The following FAM171A2 variants were observed in gnomAD, a reference collection of about 807,000 sequenced individuals.
The protein encoded by FAM171A2 is family with sequence similarity 171 member A2, also known as protein FAM171A2.
A neutral mutation model predicts 34.2 loss-of-function variants in FAM171A2; 13 were observed. The ratio of observed to expected loss-of-function variants is 0.38; its 90% CI spans 0.25 to 0.60. The LOEUF (loss-of-function observed/expected upper bound fraction) is 0.60, where lower values mean the gene tolerates loss of function less well. Ranked by LOEUF, FAM171A2 falls within the 20% of genes least tolerant of loss-of-function variation. The pLI, the probability that FAM171A2 is intolerant of heterozygous loss-of-function variation, is 0.62. For missense variants in FAM171A2, 950 were observed against 1,180.7 expected (o/e 0.80, Z 2.86); for synonymous variants, 475 against 561.2 (o/e 0.85, Z 2.17).
At position 44,355,626 on chromosome 17, in the gene FAM171A2, C is replaced by T. The variant is rs1157646133; in HGVS notation, c.1022+89G>A. On this transcript the variant is annotated intron_variant, in intron 7 of 7. Transcript: ENST00000293443. This position sits in a 1 kb window ranked among gnomAD's most constrained non-coding sequence, Gnocchi z 4.1. ...GCAGGAAGTCTTTTCCTGTCTGCCC[C>T]TTGAGGACCAGAAGTGGATTTTATG... 2.0e-6 allele frequency: 3 copies of T among 1,513,102 alleles called. No individual in the cohort carries two copies. In the African/African-American group the frequency reaches 4.1e-5, roughly 21 times the overall value. 93.7% of individuals were successfully genotyped at this position (1,513,102 alleles called of 1,614,324 possible). A position where few individuals can be genotyped will look rare whatever the true frequency, so the allele number is the denominator to read the frequency against.
At position 44,356,733 on chromosome 17, in the gene FAM171A2, C is replaced by G. The variant is rs2048426020; in HGVS notation, c.440-145G>C. The G allele has an allele frequency of 6.8e-6, 6 of 887,590 alleles. No individual in the cohort carries two copies. The East Asian group carries it at 1.6e-4, about 24-fold the overall frequency. 55.0% of individuals were successfully genotyped at this position (887,590 alleles called of 1,614,324 possible). ...GGAGGGTGATGCCTTGGGGAGAAAGCTGGGCAGTCATGGAATGTTAACCTG... is the reference window on the plus strand; with the variant it reads ...GGAGGGTGATGCCTTGGGGAGAAAGGTGGGCAGTCATGGAATGTTAACCTG... On this transcript the variant is annotated intron_variant, in intron 3 of 7. Coordinates refer to ENST00000293443, the MANE Select transcript of FAM171A2 (RefSeq NM_198475.3).
At chr17:44,359,343 G>A (rs910672651) in intron 3 of FAM171A2, 9 of 543,990 alleles carry the variant, frequency 1.7e-5, no homozygotes, top group Non-Finnish European at 2.0e-5. Context: ...GAGAAGCCCC[G>A]ATAACTGTAA....
At chr17:44,356,130 T>C (rs1802558590) in intron 5 of FAM171A2, 43 bp downstream of exon 5, 1 of 1,524,464 alleles carries the variant, frequency 6.6e-7, no homozygotes, top group Non-Finnish European at 8.9e-7. Context: ...AGTCCCACTT[T>C]CTTCTCTCAA....
At chr17:44,360,165 C>G in intron 1 of FAM171A2, 33 bp from the exon 2 acceptor site, 1 of 1,511,926 alleles carries the variant, frequency 6.6e-7, no homozygotes, top group Non-Finnish European at 9.0e-7. Flanking sequence ...GGAGTGAGGA[C>G]GAGGGAGGGG....
chr17:44,355,881 C>T lies in FAM171A2; in HGVS notation c.896-40G>A. 2 of 1,549,960 alleles carry T rather than the reference C, an allele frequency of 1.3e-6. No homozygotes were observed. The highest frequency in any genetic ancestry group is 2.0e-5 in the Admixed American group (1 of 50,974). On this transcript the variant is annotated intron_variant, in intron 6 of 7. Coordinates refer to ENST00000293443, the MANE Select transcript of FAM171A2 (RefSeq NM_198475.3). The surrounding 1 kb of genome is among the most constrained non-coding windows in gnomAD (Gnocchi z 4.1). ...GGCTTAGCGTTCAGGTGTAGACACC[C>T]TTCCTGCCTTTCAGAAGTCTGCTCT...
rs2048397821 is a variant in FAM171A2, at chr17:44,353,300, GCCCTGTGACATCGTAGCCCA to G, written c.*413_*432del. On this transcript the variant is annotated 3_prime_UTR_variant, in exon 8 of 8. Coordinates refer to ENST00000293443, the MANE Select transcript of FAM171A2 (RefSeq NM_198475.3). The stretch of plus-strand genomic sequence containing the variant: ...GTCCCCAGAGCTGTCCCAGCCACCA[GCCCTGTGACATCGTAGCCCA>G]GAGATGGGCTAGTCAGCAAGCAGCA... 5.3e-6 allele frequency: 1 copy of G among 188,228 alleles called. No homozygotes were observed. Among genetic ancestry groups the G allele is most frequent in the African/African-American group, 2.4e-5 (1 of 42,364 alleles). The allele number at this position is 188,228 out of a possible 1,614,324, so 11.7% of individuals were successfully genotyped here.
At position 44,353,863 on chromosome 17, in the gene FAM171A2, T is replaced by C; in HGVS notation, c.2351A>G (p.Glu784Gly). ...GCTGGTGAGCGAGTCGCGCCGCAGC[T>C]CGCTGGCGCTGCTGCGGGAGCTGTC... ...RGDSSRSSAS[E>G]LRRDSLTSPE... is the part of the protein sequence containing the mutation. The change falls in exon 8 of 8, where the codon GAG (glutamate) becomes GGG (glycine). Residue 784 changes from glutamate to glycine, a missense_variant. Transcript: ENST00000293443. The C allele has an allele frequency of 7.3e-7, 1 of 1,373,222 alleles. No individual in the cohort carries two copies. The highest frequency in any genetic ancestry group is 9.4e-7 in the Non-Finnish European group (1 of 1,062,482). The allele number at this position is 1,373,222 out of a possible 1,614,324, so 85.1% of individuals were successfully genotyped here.
In FAM171A2 at chr17:44,356,520, T is replaced by C; in HGVS notation, c.508A>G (p.Ser170Gly). The stretch of plus-strand genomic sequence containing the variant: ...GGCGTAAGTGACGCCCAGAGCTGGC[T>C]GTAGGTGGAGCTGACAGGCAGGCGG... ...AARLPVSSTY[S>G]QLWASLTPAS... Residue 170 changes from serine to glycine, a missense_variant, in exon 4 of 8, where the codon AGC becomes GGC. Physicochemically the swap from Ser to Gly is moderately conservative, Grantham distance 56. This residue lies in a region of FAM171A2 where 752 missense variants were observed against 924.5 expected (regional missense o/e 0.81). Transcript: ENST00000293443. The C allele has an allele frequency of 1.3e-6, 2 of 1,550,402 alleles. No homozygotes were observed. Among genetic ancestry groups the C allele is most frequent in the Non-Finnish European group, 1.7e-6 (2 of 1,146,898 alleles).
intron 3 of FAM171A2, among the ~76,000 whole-genome samples, chr17:44,358,427 T>A (rs2048434464): frequency 6.6e-6 from 1 of 152,102 alleles, no homozygotes; most frequent in African/African-American, 2.4e-5. Context: ...GTGAAGTGAC[T>A]CGCGCCTGTA....
At chr17:44,359,842 T>C (rs1347622646) in intron 2 of FAM171A2, 63 bp downstream of exon 2, 1 of 1,465,834 alleles carries the variant, frequency 6.8e-7, no homozygotes, top group East Asian at 2.5e-5. Flanking sequence ...AGGAGACTAT[T>C]TTGGGAAGGG....
In FAM171A2 at chr17:44,359,584, G is replaced by A; in HGVS notation, c.434C>T (p.Ser145Phe). 1.3e-6 allele frequency: 2 copies of A among 1,551,288 alleles called. No homozygotes were observed. Among genetic ancestry groups the A allele is most frequent in the South Asian group, 1.2e-5 (1 of 84,066 alleles). The stretch of plus-strand genomic sequence containing the variant: ...TGGGTGAGGGGGAGCCTTACCGGGA[G>A]AGCCTAGGAGAATGTGCACCAGGTC... The part of the protein sequence containing the change: ...YEDLVHILLG[S>F]PGARSQPLVQ... Residue 145 changes from serine (S) to phenylalanine (F), a missense_variant, in exon 3 of 8, where the codon TCT (serine) becomes TTT (phenylalanine). Ser to Phe is a radical substitution (Grantham distance 155, BLOSUM62 -2). This residue lies in a region of FAM171A2 where 752 missense variants were observed against 924.5 expected (regional missense o/e 0.81). Coordinates refer to ENST00000293443, the MANE Select transcript of FAM171A2 (RefSeq NM_198475.3).
rs1251461461 is a variant in FAM171A2 at position 44,353,848 on chromosome 17, G to A, written c.2366C>T (p.Ser789Leu). The change falls in exon 8 of 8, where the codon TCG (serine) becomes TTG (leucine). Residue 789 changes from serine to leucine, a missense_variant. Ser to Leu is a moderately radical substitution (Grantham distance 145). Around this residue, in one of 3 missense-constraint regions of FAM171A2, gnomAD observed 191 missense variants for 222.8 expected, o/e 0.86. Coordinates refer to ENST00000293443, the MANE Select transcript of FAM171A2 (RefSeq NM_198475.3). ...RSSASELRRDSLTSPEDELGA... is the reference protein window; with the variant it reads ...RSSASELRRDLLTSPEDELGA... The stretch of plus-strand genomic sequence containing the variant: ...CAGCTCGTCCTCCGGGCTGGTGAGC[G>A]AGTCGCGCCGCAGCTCGCTGGCGCT... 2 of 1,396,508 alleles carry A rather than the reference G, an allele frequency of 1.4e-6. No homozygotes were observed. Among genetic ancestry groups the A allele is most frequent in the Non-Finnish European group, 1.9e-6 (2 of 1,074,610 alleles). 86.5% of individuals were successfully genotyped at this position (1,396,508 alleles called of 1,614,324 possible). A position where few individuals can be genotyped will look rare whatever the true frequency, so the allele number is the denominator to read the frequency against.
rs1194712890 is a variant in FAM171A2, at chr17:44,354,980, G to T, written c.1234C>A (p.Arg412=). The T allele has an allele frequency of 6.8e-7, 1 of 1,481,066 alleles. No individual in the cohort carries two copies. Among genetic ancestry groups the T allele is most frequent in the East Asian group, 2.5e-5 (1 of 40,186 alleles). The allele number at this position is 1,481,066 out of a possible 1,614,324, so 91.7% of individuals were successfully genotyped here. Residue 412 remains arginine (R), a synonymous_variant, in exon 8 of 8, where the codon CGG becomes AGG. Transcript: ENST00000293443. This position sits in a 1 kb window ranked among gnomAD's most constrained non-coding sequence, Gnocchi z 5.8. ...FSSSRDLASS[R]DDFFRTKPRS... ...GGCTTGGTGCGGAAGAAGTCATCCC[G>T]GGAGGAGGCCAAGTCCCGGGAGCTG...
chr17:44,355,180 A>G lies in FAM171A2; in HGVS notation c.1034T>C (p.Leu345Pro). 6.4e-7 allele frequency: 1 copy of G among 1,550,634 alleles called. No individual in the cohort carries two copies. The highest frequency in any genetic ancestry group is 8.7e-7 in the Non-Finnish European group (1 of 1,146,824). The change falls in exon 8 of 8, where the codon CTG becomes CCG. Residue 345 changes from leucine (L) to proline (P), a missense_variant. By Grantham distance (98) the Leu-to-Pro change is moderately conservative. Transcript: ENST00000293443. The surrounding 1 kb of genome is among the most constrained non-coding windows in gnomAD (Gnocchi z 4.1). Reference protein sequence around the residue: ...LLIYYCRRRCLKPRQQHRKLQ... With the variant: ...LLIYYCRRRCPKPRQQHRKLQ... ...CTTGCGGTGCTGTTGCCTCGGCTTC[A>G]GGCAGCGCCTCCTGGAAGGGAGGGA...
chr17:44,362,165 G>A (rs1051336520), intron 1 of FAM171A2, among the ~76,000 whole-genome samples: 3 of 151,936 alleles, frequency 2.0e-5, no homozygotes, highest in African/African-American at 7.3e-5. Context: ...TGGGCTCCCC[G>A]CCAGCTGCCC....
chr17:44,363,672 G>A lies in FAM171A2; in HGVS notation c.43C>T (p.Pro15Ser), dbSNP rs950376619. Residue 15 changes from proline to serine, a missense_variant, in exon 1 of 8, where the codon CCG becomes TCG. Around this residue, in one of 3 missense-constraint regions of FAM171A2, gnomAD observed 752 missense variants for 924.5 expected, o/e 0.81. Transcript: ENST00000293443. ...CTGCCGAGCAGCAGCCCCAGCAGCG[G>A]CAACAGCCGCGCGAGGACGCTGGGG... Reference protein sequence around the residue: ...SGPSVLARLLPLLGLLLGSAS... With the variant: ...SGPSVLARLLSLLGLLLGSAS... 8.2e-7 allele frequency: 1 copy of A among 1,225,724 alleles called. No individual in the cohort carries two copies. 75.9% of individuals were successfully genotyped at this position (1,225,724 alleles called of 1,614,324 possible).
Position 44,353,632 on chromosome 17 carries a change from TG to T in FAM171A2, c.*100del. 1 of 943,094 alleles carries T rather than the reference TG, an allele frequency of 1.1e-6. No homozygotes were observed. The highest frequency in any genetic ancestry group is 1.3e-6 in the Non-Finnish European group (1 of 742,396). The allele number at this position is 943,094 out of a possible 1,614,324, so 58.4% of individuals were successfully genotyped here. A position where few individuals can be genotyped will look rare whatever the true frequency, so the allele number is the denominator to read the frequency against. On this transcript the variant is annotated 3_prime_UTR_variant, in exon 8 of 8. Transcript: ENST00000293443. Reference sequence around the variant, plus strand: ...AAGGCCCCTGGGCCCCTCTCCGGCCTGGGGCTGGGAGCTACGCGCGAGGGCC... The same window carrying T: ...AAGGCCCCTGGGCCCCTCTCCGGCCTGGGCTGGGAGCTACGCGCGAGGGCC...
rs541757860 is a variant in FAM171A2, at chr17:44,359,880, C to A, written c.346+25G>T. The A allele has an allele frequency of 7.2e-3, 10,868 of 1,507,392 alleles. 110 individuals carry two copies. The highest frequency in any genetic ancestry group is 0.032 in the South Asian group (2,494 of 77,334). 93.4% of individuals were successfully genotyped at this position (1,507,392 alleles called of 1,614,324 possible). A position where few individuals can be genotyped will look rare whatever the true frequency, so the allele number is the denominator to read the frequency against. ...TGATGGAGGGTCAGCTGCTGTCCCC[C>A]CCCTCCACCTGCCCCTGCACTCACA... On this transcript the variant is annotated intron_variant, in intron 2 of 7. Transcript: ENST00000293443.
Position 44,354,063 on chromosome 17 carries a change from C to CGGCGGCGGCGCGGCA in FAM171A2, c.2136_2150dup (p.Ala713_Pro717dup). ...GCGCCAGGCGCGGGGGCGCGGGCGG[C>CGGCGGCGGCGCGGCA]GGCGGCGGCGCGGCAGGCGGGGCGC... On this transcript the variant is annotated inframe_insertion, in exon 8 of 8. Coordinates refer to ENST00000293443, the MANE Select transcript of FAM171A2 (RefSeq NM_198475.3). The surrounding 1 kb of genome is among the most constrained non-coding windows in gnomAD (Gnocchi z 5.8). The CGGCGGCGGCGCGGCA allele has an allele frequency of 9.0e-7, 1 of 1,111,152 alleles. No homozygotes were observed. The highest frequency in any genetic ancestry group is 1.1e-6 in the Non-Finnish European group (1 of 911,834). The allele number at this position is 1,111,152 out of a possible 1,614,324, so 68.8% of individuals were successfully genotyped here. A position where few individuals can be genotyped will look rare whatever the true frequency, so the allele number is the denominator to read the frequency against.
Sources: allele counts gnomAD v4.1 joint callset (sites outside exome capture counted in the v4.1 genomes callset), GRCh38; gene constraint gnomAD v4.1.1; regional missense constraint gnomAD v4.1.1; non-coding constraint Gnocchi (gnomAD v3.1); transcripts MANE v1.5; gene names NCBI Gene and HGNC (gene_info 2026-07-23, HGNC 2026-07-21).